The following METTL15 variants were observed in gnomAD, a reference collection of about 807,000 sequenced individuals.
The protein encoded by METTL15 is methyltransferase 15, mitochondrial 12S rRNA N4-cytidine, also known as 12S rRNA N(4)-cytidine methyltransferase METTL15.
In METTL15, 34 loss-of-function variants were observed where a neutral mutation model predicts 38.3. The ratio of observed to expected loss-of-function variants is 0.89; its 90% confidence interval spans 0.68 to 1.18. The LOEUF is 1.18. METTL15 is among the 50% of genes most tolerant of loss of function. The pLI is 0.00. For missense variants in METTL15, 438 were observed against 498.4 expected, an observed-to-expected ratio of 0.88 and a Z score of 1.15; for synonymous variants, 162 against 170.9, an observed-to-expected ratio of 0.95 and a Z score of 0.41.
At chr11:28,307,740 C>T (rs2134019106) in intron 6 of METTL15, among the ~76,000 whole-genome samples, 1 of 152,072 alleles carries the variant, frequency 6.6e-6, no homozygotes, top group African/African-American at 2.4e-5. Context: ...GGTATTTATT[C>T]TAAGTCTACT....
At chr11:28,395,766 T>C (rs1402484144) in intron 5 of METTL15, among the ~76,000 whole-genome samples, 1 of 152,116 alleles carries the variant, frequency 6.6e-6, no homozygotes, top group Non-Finnish European at 1.5e-5. Context: ...ATCATCCTGA[T>C]ACCAAAGCCG....
In METTL15 at chr11:28,435,396, ACT is replaced by A. The variant is rs1303067402; in HGVS notation, c.*424+11035_*424+11036del. 7.9e-5 allele frequency among the ~76,000 whole-genome samples: 12 copies of A among 152,256 alleles called. No homozygotes were observed. In the East Asian group the frequency reaches 2.1e-3, roughly 27 times the overall value. ...ACATAGCAGTCACTGGTCCATGGAAACTCTGAACTCTTTCTGGGCAGATGCTT... is the reference window on the plus strand; with the variant it reads ...ACATAGCAGTCACTGGTCCATGGAAACTGAACTCTTTCTGGGCAGATGCTT... On this transcript the variant is annotated intron_variant and NMD_transcript_variant, in intron 6 of 7. Coordinates refer to the METTL15 transcript ENST00000532947.
At chr11:28,390,428 G>A (rs1850491084) in intron 5 of METTL15, among the ~76,000 whole-genome samples, 1 of 152,154 alleles carries the variant, frequency 6.6e-6, no homozygotes, top group South Asian at 2.1e-4. Flanking sequence ...AAGGGATCCA[G>A]TTTCAGCTTT....
At chr11:28,187,101 G>C (rs767713831) in intron 3 of METTL15, among the ~76,000 whole-genome samples, 32 of 151,028 alleles carry the variant, frequency 2.1e-4, no homozygotes, top group Non-Finnish European at 3.3e-4. Context: ...ATAATAGAAA[G>C]CTTCAAATTT....
intron 2 of METTL15, among the ~76,000 whole-genome samples, chr11:28,111,205 T>A (rs1228951154): frequency 6.6e-6 from 1 of 152,170 alleles, no homozygotes; most frequent in African/African-American, 2.4e-5. Context: ...TGACCATAGT[T>A]GAATAAACAC....
intron 6 of METTL15, among the ~76,000 whole-genome samples, chr11:28,495,890 G>C (rs1851531862): frequency 6.6e-6 from 1 of 152,122 alleles, no homozygotes; most frequent in African/African-American, 2.4e-5. Context: ...GTTGAGAAAT[G>C]AACCCAAATA....
downstream of METTL15, among the ~76,000 whole-genome samples, chr11:28,335,990 A>G (rs1849897534): frequency 6.6e-6 from 1 of 152,058 alleles, no homozygotes; most frequent in South Asian, 2.1e-4. Context: ...ACATAGTGCT[A>G]TTATTTTGCT....
At chr11:28,111,890 T>G (rs1267728977) in intron 2 of METTL15, among the ~76,000 whole-genome samples, 1 of 152,180 alleles carries the variant, frequency 6.6e-6, no homozygotes, top group Non-Finnish European at 1.5e-5. Flanking sequence ...CCAGAAACCT[T>G]AGGCATAATT....
chr11:28,319,030 A>G (rs1283351943), intron 6 of METTL15, among the ~76,000 whole-genome samples: 1 of 152,218 alleles, frequency 6.6e-6, no homozygotes, highest in African/African-American at 2.4e-5. Context: ...CCAGGATAAG[A>G]GACCACAGCA....
Position 28,211,156 on chromosome 11 carries a change from C to A in METTL15, c.365C>A (p.Pro122Gln). Residue 122 changes from proline (P) to glutamine (Q), a missense_variant, in exon 4 of 7, where the codon CCA (proline) becomes CAA (glutamine). Physicochemically the swap from Pro to Gln is moderately conservative, Grantham distance 76 (BLOSUM62 -1). Coordinates refer to ENST00000407364, the MANE Select transcript of METTL15 (RefSeq NM_001113528.2). ...DIVLYALDRD[P>Q]TAYALAEHLS... ...GTTCTCTATGCCTTGGACAGAGACC[C>A]AACAGCTTATGCATTAGCTGAACAT... The A allele has an allele frequency of 6.2e-7, 1 of 1,612,388 alleles. No individual in the cohort carries two copies. Among genetic ancestry groups the A allele is most frequent in the Non-Finnish European group, 8.5e-7 (1 of 1,179,002 alleles).
chr11:28,481,359 T>C (rs1419286986), intron 6 of METTL15, among the ~76,000 whole-genome samples: 2 of 152,154 alleles, frequency 1.3e-5, no homozygotes, highest in Admixed American at 1.3e-4. Flanking sequence ...ATACAGCCCA[T>C]AGGAAACAAA....
chr11:28,516,079 A>T (rs974272206), intron 6 of METTL15, among the ~76,000 whole-genome samples: 15 of 152,262 alleles, frequency 9.9e-5, no homozygotes, highest in African/African-American at 3.4e-4. Flanking sequence ...GTTATTACAA[A>T]GAGAGGTGAA....
downstream of METTL15, among the ~76,000 whole-genome samples, chr11:28,338,077 T>TC (rs1849917749): frequency 6.8e-6 from 1 of 146,730 alleles, no homozygotes; most frequent in Non-Finnish European, 1.5e-5. Context: ...CTTTGCTTCT[T>TC]TTTTTTTTTT....
At chr11:28,400,500 A>C (rs980070364) in intron 5 of METTL15, among the ~76,000 whole-genome samples, 8 of 151,980 alleles carry the variant, frequency 5.3e-5, no homozygotes, top group Non-Finnish European at 1.2e-4. Flanking sequence ...CTTTCTGAGC[A>C]AACAAAGGAG....
intron 3 of METTL15, among the ~76,000 whole-genome samples, chr11:28,349,892 T>A (rs967521839): frequency 6.6e-6 from 1 of 152,190 alleles, no homozygotes; most frequent in African/African-American, 2.4e-5. Context: ...TTAACAATGA[T>A]GTAAGGAGTA....
intron 3 of METTL15, among the ~76,000 whole-genome samples, chr11:28,150,424 C>T (rs1227833445): frequency 1.3e-5 from 2 of 151,902 alleles, no homozygotes; most frequent in Admixed American, 6.6e-5. Flanking sequence ...GCTTCACTAA[C>T]ACCTCTTCCT....
intron 5 of METTL15, among the ~76,000 whole-genome samples, chr11:28,397,475 GAC>G (rs1850583805): frequency 6.6e-6 from 1 of 152,066 alleles, no homozygotes; most frequent in Non-Finnish European, 1.5e-5. Flanking sequence ...GCAGCCAAAA[GAC>G]ACATGAAAAA....
intron 4 of METTL15, among the ~76,000 whole-genome samples, chr11:28,279,148 G>A (rs1251773447): frequency 2.0e-5 from 3 of 152,136 alleles, no homozygotes; most frequent in Non-Finnish European, 2.9e-5. Flanking sequence ...GTCATGTAAT[G>A]TCTTTTTTGA....
chr11:28,515,604 C>T (rs1851713384), intron 6 of METTL15, among the ~76,000 whole-genome samples: 1 of 152,162 alleles, frequency 6.6e-6, no homozygotes, highest in African/African-American at 2.4e-5. Flanking sequence ...TTATGTATTG[C>T]CATGCCTACT....
Sources: gnomAD v4.1 joint callset for allele counts (sites outside exome capture counted in the v4.1 genomes callset) on GRCh38, gnomAD v4.1.1 for gene constraint, MANE v1.5 for transcripts, NCBI Gene and HGNC (gene_info 2026-07-23, HGNC 2026-07-21) for gene names.